SDK2: variants seen among roughly 807,000 people sequenced by gnomAD.
SDK2 encodes sidekick cell adhesion molecule 2.
A neutral mutation model predicts 253.9 loss-of-function variants in SDK2; 105 were observed. The ratio of observed to expected loss-of-function variants is 0.41; its 90% CI spans 0.35 to 0.49. SDK2 has a LOEUF of 0.49. Among genes scored for constraint, SDK2 ranks in the 20% least tolerant of loss-of-function variants. The probability of loss-of-function intolerance (pLI) is 0.06; values close to 1 mark genes in which losing one functional copy is unlikely to be tolerated. For synonymous variants in SDK2, 1,249 were observed against 1,234.9 expected, an observed-to-expected ratio of 1.01 and a Z score of -0.24; for missense variants, 2,608 against 3,003.0, an observed-to-expected ratio of 0.87 and a Z score of 3.07.
At position 73,433,763 on chromosome 17, in the gene SDK2, C is replaced by A; in HGVS notation, c.1281G>T (p.Gly427=). 1.2e-6 allele frequency: 2 copies of A among 1,608,444 alleles called. No individual in the cohort carries two copies. The highest frequency in any genetic ancestry group is 1.7e-5 in the Admixed American group (1 of 59,362). The change falls in exon 10 of 45, where the codon GGG becomes GGT. Residue 427 remains glycine, a synonymous_variant. Transcript: ENST00000392650. The stretch of plus-strand genomic sequence containing the variant: ...GCCAAGTGATAGCTGGTCGGGGCGC[C>A]CCCGAGGTCTCACATGCTAGCACCA... The part of the protein sequence containing the change: ...MSVVLACETS[G]APRPAITWQK...
intron 1 of SDK2, among the ~76,000 whole-genome samples, chr17:73,621,291 T>C (rs565637937): frequency 4.4e-4 from 67 of 152,364 alleles, no homozygotes; most frequent in African/African-American, 1.5e-3. Flanking sequence ...TTTGAATCAA[T>C]TAAGTTAGTT....
rs1242968039 is a variant in SDK2, at chr17:73,496,766, G to A, written c.224+10672C>T. 6.6e-6 allele frequency among the ~76,000 whole-genome samples: 1 copy of A among 152,064 alleles called. No individual in the cohort carries two copies. Among genetic ancestry groups the A allele is most frequent in the Non-Finnish European group, 1.5e-5 (1 of 68,020 alleles). ...TCCAATTCTTGATTCCTACTTGCCT[G>A]TGAGGATTCCCCCTCCACTCCCTGC... On this transcript the variant is annotated intron_variant, in intron 2 of 44. Transcript: ENST00000392650. The surrounding 1 kb of genome is among the most constrained non-coding windows in gnomAD (Gnocchi z 4.7).
chr17:73,472,149 C>T lies in SDK2; in HGVS notation c.294G>A (p.Gly98=). 6.4e-7 allele frequency: 1 copy of T among 1,551,662 alleles called. No individual in the cohort carries two copies. Among genetic ancestry groups the T allele is most frequent in the Non-Finnish European group, 8.7e-7 (1 of 1,146,996 alleles). The change falls in exon 3 of 45, where the codon GGG becomes GGA. Residue 98 remains glycine, a synonymous_variant. Transcript: ENST00000392650. ...CCTCGGTTTGCCGCTGCAGCAGGGC[C>T]CCCATTCGGTTCCGCACGATGCAAC... ...FYRCIVRNRM[G]ALLQRQTEVQ...
chr17:73,562,348 A>T (rs1228024410), intron 1 of SDK2, among the ~76,000 whole-genome samples: 2 of 152,164 alleles, frequency 1.3e-5, no homozygotes, highest in Admixed American at 1.3e-4. Flanking sequence ...ATTACATTCA[A>T]ATATCATTTG....
At chr17:73,454,362 G>A (rs10451225) in intron 4 of SDK2, among the ~76,000 whole-genome samples, 2,150 of 152,328 alleles carry the variant, frequency 0.014, 31 homozygotes, top group Admixed American at 0.04. Flanking sequence ...AAGAATTAAA[G>A]AACCTGACTC....
At chr17:73,437,673 C>T (rs2063380497) in intron 8 of SDK2, 66 bp downstream of exon 8, 1 of 1,317,554 alleles carries the variant, frequency 7.6e-7, no homozygotes, top group Non-Finnish European at 1.1e-6. Context: ...GAAATGTCCA[C>T]AATGAGGATG....
chr17:73,640,688 T>C lies in SDK2; in HGVS notation c.64+3337A>G, dbSNP rs188857403. 1.4e-4 allele frequency among the ~76,000 whole-genome samples: 21 copies of C among 152,354 alleles called. No individual in the cohort carries two copies. The East Asian group carries it at 4.1e-3, about 29-fold the overall frequency. On this transcript the variant is annotated intron_variant, in intron 1 of 44. Transcript: ENST00000392650. ...CTCCCTTGTGTACTGTTGGCTTTTA[T>C]TGTGATTAGCTCCCAGCACTAAACT...
chr17:73,564,833 A>G (rs577416905), intron 1 of SDK2, among the ~76,000 whole-genome samples: 1 of 99,756 alleles, frequency 1.0e-5, no homozygotes, highest in Non-Finnish European at 2.2e-5. Context: ...TGAAAAAAAA[A>G]CAAAAAACAA....
chr17:73,379,151 C>T lies in SDK2; in HGVS notation c.4980+26G>A. On this transcript the variant is annotated intron_variant, in intron 36 of 44. Coordinates refer to ENST00000392650, the MANE Select transcript of SDK2 (RefSeq NM_001144952.2). The surrounding 1 kb of genome is among the most constrained non-coding windows in gnomAD (Gnocchi z 4.5). ...GACCTGGCTTCTCATCCGTGCACCC[C>T]TTTGCTCTGCCCGAGGGCACCCTAC... 1 of 1,533,082 alleles carries T rather than the reference C, an allele frequency of 6.5e-7. No homozygotes were observed. Among genetic ancestry groups the T allele is most frequent in the South Asian group, 1.2e-5 (1 of 83,508 alleles). The allele number at this position is 1,533,082 out of a possible 1,614,324, so 95.0% of individuals were successfully genotyped here.
chr17:73,592,156 A>G (rs925864266), intron 1 of SDK2, among the ~76,000 whole-genome samples: 2 of 152,224 alleles, frequency 1.3e-5, no homozygotes, highest in Non-Finnish European at 2.9e-5. Flanking sequence ...CTTGCACCAC[A>G]GAAAAAGGAA....
At chr17:73,460,985 C>A (rs144655386) in intron 3 of SDK2, among the ~76,000 whole-genome samples, 4 of 152,192 alleles carry the variant, frequency 2.6e-5, no homozygotes, top group East Asian at 1.9e-4. Flanking sequence ...TCATGGAGAT[C>A]GAGTGGCTTA....
intron 44 of SDK2, among the ~76,000 whole-genome samples, chr17:73,342,461 G>A (rs2062446963): frequency 6.6e-6 from 1 of 152,246 alleles, no homozygotes; most frequent in South Asian, 2.1e-4. Flanking sequence ...GCCTGGAGCA[G>A]CGGGGATCTG....
chr17:73,376,324 A>G (rs1462667867), intron 36 of SDK2, among the ~76,000 whole-genome samples: 1 of 131,952 alleles, frequency 7.6e-6, no homozygotes, highest in Non-Finnish European at 1.6e-5. Context: ...TAAGCTCACA[A>G]TGCTGGGCAC....
intron 1 of SDK2, among the ~76,000 whole-genome samples, chr17:73,544,030 A>G (rs1002235058): frequency 9.2e-5 from 14 of 152,234 alleles, no homozygotes; most frequent in Non-Finnish European, 1.8e-4. Context: ...GAAATGAGGT[A>G]ACGTGAGCAC....
intron 1 of SDK2, among the ~76,000 whole-genome samples, chr17:73,625,523 G>A (rs1207872832): frequency 1.3e-5 from 2 of 152,208 alleles, no homozygotes; most frequent in Non-Finnish European, 2.9e-5. Context: ...TTGGGCTTGC[G>A]ACCTGGGCAG....
intron 18 of SDK2, among the ~76,000 whole-genome samples, chr17:73,402,606 C>G (rs1327674321): frequency 6.6e-6 from 1 of 151,942 alleles, no homozygotes; most frequent in Admixed American, 6.6e-5. Flanking sequence ...TGAAGCCGGC[C>G]CTGTATTCCT....
chr17:73,469,168 C>G (rs1327242602), intron 3 of SDK2, among the ~76,000 whole-genome samples: 3 of 152,124 alleles, frequency 2.0e-5, no homozygotes, highest in Non-Finnish European at 4.4e-5. Context: ...TGGTGATGAG[C>G]CCCCAGCCTG....
At chr17:73,564,675 A>G (rs2045285128) in intron 1 of SDK2, among the ~76,000 whole-genome samples, 1 of 152,028 alleles carries the variant, frequency 6.6e-6, no homozygotes, top group African/African-American at 2.4e-5. Context: ...AAATACAAAA[A>G]TTAGCTGGGC....
At chr17:73,418,010 G>GTTTTTTTTTTTTTTTTTTTTTTT (rs397689294) in intron 16 of SDK2, among the ~76,000 whole-genome samples, 3 of 128,258 alleles carry the variant, frequency 2.3e-5, no homozygotes, top group Non-Finnish European at 3.2e-5. Context: ...TCCTAGATGA[G>GTTTTTTTTTTTTTTTTTTTTTTT]TTTTTTTTTT....
Sources: gnomAD v4.1 joint callset for allele counts (sites outside exome capture counted in the v4.1 genomes callset) on GRCh38, gnomAD v4.1.1 for gene constraint, Gnocchi (gnomAD v3.1) non-coding constraint, MANE v1.5 for transcripts, NCBI Gene and HGNC (gene_info 2026-07-23, HGNC 2026-07-21) for gene names.